EHD4: variants seen among roughly 807,000 people sequenced by gnomAD.
EHD4 encodes EH domain containing 4.
EHD4 carries 37 observed loss-of-function variants against 51.0 expected under a neutral mutation model. The observed-to-expected ratio is 0.73, with a 90% CI of 0.56 to 0.95. The LOEUF (loss-of-function observed/expected upper bound fraction) is 0.95. EHD4 is among the 40% of genes least tolerant of loss of function. EHD4 has a pLI of 0.00. For synonymous variants in EHD4, 297 were observed against 317.3 expected (o/e 0.94, Z 0.68); for missense variants, 632 against 733.1 (o/e 0.86, Z 1.59).
At chr15:41,936,044 T>G (rs1436887679) in intron 3 of EHD4, among the ~76,000 whole-genome samples, 1 of 152,240 alleles carries the variant, frequency 6.6e-6, no homozygotes, top group African/African-American at 2.4e-5. Flanking sequence ...GTAGTTGGAC[T>G]TTTTAGATGG....
intron 1 of EHD4, among the ~76,000 whole-genome samples, chr15:41,968,464 T>C (rs1485691244): frequency 1.3e-5 from 2 of 150,378 alleles, no homozygotes; most frequent in Non-Finnish European, 3.0e-5. Flanking sequence ...TTTTTTTTTT[T>C]TTTTTTGTAG....
intron 3 of EHD4, among the ~76,000 whole-genome samples, chr15:41,937,218 G>A (rs888802487): frequency 3.9e-5 from 6 of 151,998 alleles, no homozygotes; most frequent in South Asian, 2.1e-4. Context: ...TGCCACATGC[G>A]CCCACCTGCC....
chr15:41,928,253 C>T (rs535746187), intron 3 of EHD4: 1 of 152,372 alleles, frequency 6.6e-6, no homozygotes, highest in East Asian at 1.9e-4. Flanking sequence ...GCTCTTACTA[C>T]ATTCCTGCAC....
intron 2 of EHD4, among the ~76,000 whole-genome samples, chr15:41,951,992 T>C (rs1302907146): frequency 1.3e-5 from 2 of 152,258 alleles, no homozygotes; most frequent in African/African-American, 4.8e-5. Context: ...ACCTGCAGGT[T>C]TCTGTTCATC....
At chr15:41,910,941 A>G (rs1196397685) in intron 4 of EHD4, among the ~76,000 whole-genome samples, 1 of 152,340 alleles carries the variant, frequency 6.6e-6, no homozygotes, top group Admixed American at 6.5e-5. Flanking sequence ...GATGAAAAAC[A>G]GAGTGGTGAT....
chr15:41,954,878 C>T (rs951628828), intron 1 of EHD4, among the ~76,000 whole-genome samples: 1 of 152,234 alleles, frequency 6.6e-6, no homozygotes, highest in Admixed American at 6.5e-5. Flanking sequence ...TATCCCCTCA[C>T]CTTGGCCTCC....
chr15:41,939,284 T>C (rs1487093992), intron 3 of EHD4, among the ~76,000 whole-genome samples: 1 of 152,212 alleles, frequency 6.6e-6, no homozygotes, highest in Non-Finnish European at 1.5e-5. Context: ...CAGAATATTA[T>C]TATTATAAAT....
At chr15:41,956,590 T>C (rs2067889815) in intron 1 of EHD4, among the ~76,000 whole-genome samples, 1 of 152,254 alleles carries the variant, frequency 6.6e-6, no homozygotes, top group African/African-American at 2.4e-5. Flanking sequence ...AAGTTTATAT[T>C]GCAATCGAAG....
At chr15:41,910,002 G>T (rs2067538813) in intron 4 of EHD4, 139 bp from the exon 5 acceptor site, 3 of 1,095,222 alleles carry the variant, frequency 2.7e-6, no homozygotes, top group Non-Finnish European at 1.3e-6. Flanking sequence ...GAGGAGGGGA[G>T]GGTCCAGGGG....
intron 1 of EHD4, among the ~76,000 whole-genome samples, chr15:41,961,482 T>C (rs555090942): frequency 1.5e-3 from 222 of 152,320 alleles, no homozygotes; most frequent in Non-Finnish European, 2.8e-3. Flanking sequence ...CTGTAAATCG[T>C]CATGAGGAGG....
At chr15:41,941,712 C>T (rs927277047) in intron 3 of EHD4, 3 of 151,994 alleles carry the variant, frequency 2.0e-5, no homozygotes, top group Non-Finnish European at 4.4e-5. Context: ...CCTGGGAGGC[C>T]TCGGCTCAGC....
At chr15:41,908,577 T>G (rs2067527775) in intron 5 of EHD4, 1 of 152,190 alleles carries the variant, frequency 6.6e-6, no homozygotes, top group Non-Finnish European at 1.5e-5. Flanking sequence ...TACATAGTAT[T>G]TTTTTGAGCC....
intron 2 of EHD4, among the ~76,000 whole-genome samples, chr15:41,944,579 T>G (rs1449039345): frequency 6.6e-6 from 1 of 152,162 alleles, no homozygotes; most frequent in Non-Finnish European, 1.5e-5. Flanking sequence ...CAAAATCACT[T>G]TCTCTGAAGG....
intron 2 of EHD4, among the ~76,000 whole-genome samples, chr15:41,952,560 T>C (rs2067859399): frequency 6.6e-6 from 1 of 152,046 alleles, no homozygotes; most frequent in Non-Finnish European, 1.5e-5. Flanking sequence ...GGGTACCAGC[T>C]GGCCTGTCTT....
At chr15:41,952,414 A>G (rs779278159) in intron 2 of EHD4, among the ~76,000 whole-genome samples, 27 of 152,174 alleles carry the variant, frequency 1.8e-4, no homozygotes, top group Non-Finnish European at 3.2e-4. Flanking sequence ...CCCAGGAAAG[A>G]GGGAAATAGA....
intron 3 of EHD4, among the ~76,000 whole-genome samples, chr15:41,925,009 G>A (rs761832729): frequency 1.1e-4 from 16 of 150,890 alleles, no homozygotes; most frequent in Non-Finnish European, 1.9e-4. Flanking sequence ...GCAGTGAGCC[G>A]AGACTGTGCC....
chr15:41,937,479 A>C (rs908185408), intron 3 of EHD4, among the ~76,000 whole-genome samples: 2 of 152,174 alleles, frequency 1.3e-5, no homozygotes, highest in Non-Finnish European at 2.9e-5. Flanking sequence ...GAGCTCACCC[A>C]TCTCTCCAGC....
intron 3 of EHD4, among the ~76,000 whole-genome samples, chr15:41,939,379 C>G (rs920575791): frequency 6.6e-6 from 1 of 152,100 alleles, no homozygotes; most frequent in African/African-American, 2.4e-5. Flanking sequence ...ACTAAACTAA[C>G]CTAGTCTGTT....
chr15:41,901,849 G>A (rs182636024), intron 5 of EHD4, among the ~76,000 whole-genome samples: 114 of 152,304 alleles, frequency 7.5e-4, no homozygotes, highest in South Asian at 1.7e-3. Flanking sequence ...CCTGACCAGG[G>A]GCACCTGTGC....
Sources: gnomAD v4.1 joint callset for allele counts (sites outside exome capture counted in the v4.1 genomes callset) on GRCh38, gnomAD v4.1.1 for gene constraint, MANE v1.5 for transcripts, NCBI Gene and HGNC (gene_info 2026-07-23, HGNC 2026-07-21) for gene names.